Variants in ABCB1 observed in about 807,000 individuals in gnomAD.
ABCB1 encodes ATP binding cassette subfamily B member 1.
Under a neutral mutation model 142.0 loss-of-function variants are expected in ABCB1, and 69 were observed. The ratio of observed to expected loss-of-function variants is 0.49; its 90% CI spans 0.40 to 0.59. ABCB1 has a LOEUF of 0.59. Ranked by LOEUF, ABCB1 falls within the 20% of genes least tolerant of loss-of-function variation. The pLI, the probability that ABCB1 is intolerant of heterozygous loss-of-function variation, is 0.00. For synonymous variants in ABCB1, 532 were observed against 539.2 expected, an observed-to-expected ratio of 0.99 and a Z score of 0.18; for missense variants, 1,326 against 1,554.7, an observed-to-expected ratio of 0.85 and a Z score of 2.47.
chr7:87,696,000 A>G (rs746928043), intron 1 of ABCB1, among the ~76,000 whole-genome samples: 5 of 152,102 alleles, frequency 3.3e-5, no homozygotes, highest in Non-Finnish European at 5.9e-5. Flanking sequence ...ATTGTCTTTT[A>G]GTCTAGCAAA....
intron 27 of ABCB1, among the ~76,000 whole-genome samples, chr7:87,505,517 C>T (rs1363180334): frequency 6.6e-6 from 1 of 152,120 alleles, no homozygotes; most frequent in Admixed American, 6.6e-5. Context: ...TTAACGTTTT[C>T]TCTGACTAGA....
intron 1 of ABCB1, chr7:87,713,096 A>T (rs1161307614): frequency 6.6e-6 from 1 of 152,184 alleles, no homozygotes; most frequent in Non-Finnish European, 1.5e-5. Flanking sequence ...TCTAGTCAAG[A>T]CAAATATATT....
intron 7 of ABCB1, chr7:87,564,023 A>G (rs556570102): frequency 1.1e-4 from 33 of 308,096 alleles, no homozygotes; most frequent in African/African-American, 6.7e-4. Flanking sequence ...GAGGGTGGAG[A>G]GTGGGAGGAG....
intron 1 of ABCB1, among the ~76,000 whole-genome samples, chr7:87,685,229 T>C (rs1212231171): frequency 6.6e-6 from 1 of 152,130 alleles, no homozygotes; most frequent in East Asian, 1.9e-4. Context: ...AGAATTGCTA[T>C]AAAAACCTTA....
chr7:87,688,486 C>T (rs1827696660), intron 1 of ABCB1, among the ~76,000 whole-genome samples: 1 of 150,158 alleles, frequency 6.7e-6, no homozygotes. Context: ...TGACTTTTGC[C>T]TATTTCTTCT....
chr7:87,586,074 AC>A (rs1276303350), intron 3 of ABCB1, among the ~76,000 whole-genome samples: 1 of 152,208 alleles, frequency 6.6e-6, no homozygotes, highest in African/African-American at 2.4e-5. Context: ...CTCTGAGGAT[AC>A]CATGGAGGAA....
At chr7:87,532,210 A>G (rs1816086153) in intron 20 of ABCB1, among the ~76,000 whole-genome samples, 1 of 152,174 alleles carries the variant, frequency 6.6e-6, no homozygotes, top group East Asian at 1.9e-4. Flanking sequence ...TTAGTCCAGC[A>G]CATCTCCTCT....
In ABCB1 at chr7:87,545,015, A is replaced by T. The variant is rs1261687611; in HGVS notation, c.1888-16T>A. Reference sequence around the variant, plus strand: ...TTCCTGCTGTCTAAAATAAATAAGAAATATGCAAAAGCTCATTAGGCTGTG... The same window carrying T: ...TTCCTGCTGTCTAAAATAAATAAGATATATGCAAAAGCTCATTAGGCTGTG... On this transcript the variant is annotated splice_polypyrimidine_tract_variant and intron_variant, in intron 15 of 27. Transcript: ENST00000622132. 6.2e-7 allele frequency: 1 copy of T among 1,611,516 alleles called. No homozygotes were observed. The highest frequency in any genetic ancestry group is 1.3e-5 in the African/African-American group (1 of 74,906).
chr7:87,611,771 CAG>C (rs1468068217), intron 1 of ABCB1, among the ~76,000 whole-genome samples: 13 of 152,050 alleles, frequency 8.5e-5, no homozygotes. Flanking sequence ...ATAAAATAAT[CAG>C]GGTATGAAGT....
At chr7:87,688,827 A>G (rs920439505) in intron 1 of ABCB1, among the ~76,000 whole-genome samples, 5 of 151,946 alleles carry the variant, frequency 3.3e-5, no homozygotes, top group Non-Finnish European at 7.4e-5. Flanking sequence ...TGTGTTTGTT[A>G]TAGGTATTTC....
At chr7:87,637,756 G>A (rs145913306) in intron 1 of ABCB1, among the ~76,000 whole-genome samples, 1 of 151,720 alleles carries the variant, frequency 6.6e-6, no homozygotes, top group Non-Finnish European at 1.5e-5. Flanking sequence ...TTAAAATACT[G>A]GTCTTATATC....
intron 21 of ABCB1, among the ~76,000 whole-genome samples, chr7:87,526,118 C>G (rs1815772949): frequency 6.6e-6 from 1 of 151,010 alleles, no homozygotes; most frequent in African/African-American, 2.4e-5. Flanking sequence ...TTTATTTGCT[C>G]TTGAGGTTCT....
At chr7:87,515,671 A>C (rs1452226829) in intron 24 of ABCB1, among the ~76,000 whole-genome samples, 1 of 151,558 alleles carries the variant, frequency 6.6e-6, no homozygotes, top group Non-Finnish European at 1.5e-5. Context: ...GCTCACTGCA[A>C]CCTCCACCCC....
intron 1 of ABCB1, 105 bp from the exon 2 acceptor site, chr7:87,600,295 AGC>A: frequency 1.1e-6 from 1 of 926,384 alleles, no homozygotes; most frequent in Non-Finnish European, 1.7e-6. Flanking sequence ...AGTAAGAGGG[AGC>A]GCCCGCCGTT....
At chr7:87,625,834 G>A (rs1205443313) in intron 1 of ABCB1, among the ~76,000 whole-genome samples, 1 of 151,770 alleles carries the variant, frequency 6.6e-6, no homozygotes, top group African/African-American at 2.4e-5. Flanking sequence ...TAGAAATTTC[G>A]CCTGCTTTTA....
At chr7:87,702,072 G>C (rs1308506735) in intron 1 of ABCB1, among the ~76,000 whole-genome samples, 1 of 147,584 alleles carries the variant, frequency 6.8e-6, no homozygotes, top group Non-Finnish European at 1.5e-5. Flanking sequence ...GAACCCAGGA[G>C]GCGGAGCTTG....
chr7:87,624,531 G>T (rs925244031), intron 1 of ABCB1, among the ~76,000 whole-genome samples: 1 of 152,108 alleles, frequency 6.6e-6, no homozygotes. Context: ...CTGCCCATTC[G>T]GTTCTACAGA....
At chr7:87,535,061 C>T (rs1303729583) in intron 20 of ABCB1, among the ~76,000 whole-genome samples, 1 of 151,582 alleles carries the variant, frequency 6.6e-6, no homozygotes, top group African/African-American at 2.4e-5. Flanking sequence ...AAAATATATC[C>T]AGAATTAATT....
rs1324472756 is a variant in ABCB1 at position 87,679,384 on chromosome 7, T to C, written c.-331+33777A>G. On this transcript the variant is annotated intron_variant, in intron 1 of 28. Coordinates refer to the ABCB1 transcript ENST00000265724. Reference sequence around the variant, plus strand: ...CTGGGATTACAAGTGTGAGCCACCGTGCCCGGCCCCCAACTTTTTTTTAAG... The same window carrying C: ...CTGGGATTACAAGTGTGAGCCACCGCGCCCGGCCCCCAACTTTTTTTTAAG... 4.7e-5 allele frequency among the ~76,000 whole-genome samples: 7 copies of C among 149,706 alleles called. No homozygotes were observed. The Admixed American group carries it at 4.7e-4, about 10-fold the overall frequency.
Sources: allele counts gnomAD v4.1 joint callset (sites outside exome capture counted in the v4.1 genomes callset), GRCh38; gene constraint gnomAD v4.1.1; transcripts MANE v1.5; gene names NCBI Gene and HGNC (gene_info 2026-07-23, HGNC 2026-07-21).